The following TGM6 variants were observed in gnomAD, a reference collection of about 807,000 sequenced individuals.
TGM6 encodes transglutaminase 6.
A neutral mutation model predicts 77.5 loss-of-function variants in TGM6; 74 were observed. The observed-to-expected ratio is 0.96, with a 90% confidence interval of 0.79 to 1.16. TGM6 has a LOEUF of 1.16. TGM6 is among the 50% of genes most tolerant of loss of function. TGM6 has a pLI of 0.00. For synonymous variants in TGM6, 383 were observed against 378.9 expected (o/e 1.01, Z -0.12); for missense variants, 968 against 940.2 (o/e 1.03, Z -0.39).
At chr20:2,422,547 T>A (rs553208447) in intron 10 of TGM6, among the ~76,000 whole-genome samples, 4 of 152,338 alleles carry the variant, frequency 2.6e-5, no homozygotes, top group Admixed American at 6.5e-5. Context: ...TATATTTACA[T>A]TATACTGTAG....
chr20:2,412,352 T>C (rs1200112163), intron 9 of TGM6, among the ~76,000 whole-genome samples: 1 of 152,176 alleles, frequency 6.6e-6, no homozygotes. Flanking sequence ...GAATGGGCAT[T>C]ATTGTTTAAT....
intron 1 of TGM6, among the ~76,000 whole-genome samples, chr20:2,389,150 A>G (rs1401928859): frequency 1.3e-5 from 2 of 152,136 alleles, no homozygotes; most frequent in Admixed American, 6.5e-5. Flanking sequence ...ATCTTCCACC[A>G]TGGTCTCTCA....
intron 9 of TGM6, among the ~76,000 whole-genome samples, chr20:2,415,993 C>T (rs1372711156): frequency 3.3e-5 from 5 of 152,136 alleles, no homozygotes; most frequent in African/African-American, 9.7e-5. Flanking sequence ...AGAGTGCGTT[C>T]CCTCTAGGGG....
intron 9 of TGM6, among the ~76,000 whole-genome samples, chr20:2,405,485 G>A (rs1216969704): frequency 6.6e-6 from 1 of 152,196 alleles, no homozygotes; most frequent in Non-Finnish European, 1.5e-5. Flanking sequence ...AGCACTGTTA[G>A]GCTAAGAGGG....
intron 1 of TGM6, among the ~76,000 whole-genome samples, chr20:2,383,973 G>T (rs1172312691): frequency 6.6e-6 from 1 of 152,012 alleles, no homozygotes; most frequent in Non-Finnish European, 1.5e-5. Flanking sequence ...CGGGCATGGT[G>T]GTGGACACCT....
chr20:2,401,556 A>G (rs1409687991), intron 7 of TGM6, among the ~76,000 whole-genome samples: 2 of 152,226 alleles, frequency 1.3e-5, no homozygotes, highest in Non-Finnish European at 1.5e-5. Context: ...TTTAAGTAAT[A>G]ACGTAACACC....
At chr20:2,419,959 C>A (rs1477085518) in intron 10 of TGM6, among the ~76,000 whole-genome samples, 1 of 152,088 alleles carries the variant, frequency 6.6e-6, no homozygotes, top group East Asian at 1.9e-4. Context: ...AAGTGAAATT[C>A]TTGGGCCAGG....
chr20:2,395,823 T>C (rs2084661570), intron 3 of TGM6, among the ~76,000 whole-genome samples: 1 of 152,244 alleles, frequency 6.6e-6, no homozygotes, highest in African/African-American at 2.4e-5. Flanking sequence ...CTAATACTTG[T>C]AATGTATGAG....
chr20:2,404,126 A>G (rs919758041), intron 9 of TGM6, among the ~76,000 whole-genome samples: 2 of 152,232 alleles, frequency 1.3e-5, no homozygotes, highest in African/African-American at 4.8e-5. Flanking sequence ...ACATACAATA[A>G]TCACTACTAG....
intron 6 of TGM6, 133 bp from the exon 7 acceptor site, chr20:2,400,173 G>A: frequency 7.7e-7 from 1 of 1,299,166 alleles, no homozygotes; most frequent in African/African-American, 1.5e-5. Flanking sequence ...ACAACCTGAT[G>A]AACTAGACAC....
intron 10 of TGM6, among the ~76,000 whole-genome samples, chr20:2,430,045 C>G (rs1208899819): frequency 6.6e-6 from 1 of 152,212 alleles, no homozygotes; most frequent in South Asian, 2.1e-4. Flanking sequence ...TCTTCCTCTT[C>G]TCTGCTCCTA....
intron 10 of TGM6, among the ~76,000 whole-genome samples, chr20:2,420,256 CA>C (rs906214492): frequency 1.1e-4 from 16 of 144,676 alleles, no homozygotes; most frequent in African/African-American, 2.0e-4. Flanking sequence ...AAAAAACAAA[CA>C]AAAAAAAAAG....
At chr20:2,406,806 C>T (rs2084754285) in intron 9 of TGM6, among the ~76,000 whole-genome samples, 1 of 125,916 alleles carries the variant, frequency 7.9e-6, no homozygotes, top group Admixed American at 1.0e-4. Flanking sequence ...TGCACTCCAC[C>T]CTCAGCAACA....
rs778508762 is a variant in TGM6 at position 2,430,479 on chromosome 20, A to G, written c.1712A>G (p.Lys571Arg). ...KRIPITISYS[K>R]YKEDLTEDKK... The stretch of plus-strand genomic sequence containing the variant: ...ATCCCAATTACAATATCTTACTCTA[A>G]GTATAAAGAAGACCTGACAGAGGAC... The change falls in exon 11 of 13, where the codon AAG (lysine) becomes AGG (arginine). Residue 571 changes from lysine (K) to arginine (R), a missense_variant. Physicochemically the swap from Lys to Arg is conservative, Grantham distance 26 (BLOSUM62 2). Transcript: ENST00000202625. 2.2e-5 allele frequency: 35 copies of G among 1,614,180 alleles called. No homozygotes were observed. The East Asian group carries it at 7.1e-4, about 33-fold the overall frequency.
intron 10 of TGM6, among the ~76,000 whole-genome samples, chr20:2,429,922 G>A (rs545556882): frequency 1.3e-5 from 2 of 152,340 alleles, no homozygotes; most frequent in East Asian, 3.9e-4. Flanking sequence ...TGTCAGTGAA[G>A]ACTTCCCTCA....
intron 1 of TGM6, among the ~76,000 whole-genome samples, chr20:2,385,911 C>T (rs2084592039): frequency 6.6e-6 from 1 of 152,220 alleles, no homozygotes; most frequent in Non-Finnish European, 1.5e-5. Context: ...CTTCATGGAG[C>T]TCTCAGTCCA....
Position 2,432,493 on chromosome 20 carries a change from GC to G in TGM6, c.1973del (p.Pro658LeufsTer30), listed in dbSNP as rs755776527. On this transcript the variant is annotated frameshift_variant, in exon 13 of 13. Transcript: ENST00000202625. LOFTEE classifies it high-confidence loss of function. ...TTCTCCCCTCCCCTTCCTCCAGCGT[GC>G]CTACCCTGGAGCCTCAGGAGAGGGC... ...LLQEQLSIDV[P>X]TLEPQERASV... 83 of 1,614,028 alleles carry G rather than the reference GC, an allele frequency of 5.1e-5. No individual in the cohort carries two copies. The South Asian group carries it at 8.8e-4, about 17-fold the overall frequency.
intron 10 of TGM6, among the ~76,000 whole-genome samples, 184 bp from the exon 11 acceptor site, chr20:2,430,262 A>C (rs74955193): frequency 6.6e-6 from 1 of 152,206 alleles, no homozygotes; most frequent in East Asian, 1.9e-4. Flanking sequence ...GAGTTTGAAC[A>C]GGAAAATACC....
chr20:2,404,736 G>A (rs1420509454), intron 9 of TGM6, among the ~76,000 whole-genome samples: 1 of 151,992 alleles, frequency 6.6e-6, no homozygotes, highest in Non-Finnish European at 1.5e-5. Flanking sequence ...CGCCTCCTGG[G>A]TTCAAGCAAT....
Sources: allele counts gnomAD v4.1 joint callset (sites outside exome capture counted in the v4.1 genomes callset), GRCh38; gene constraint gnomAD v4.1.1; transcripts MANE v1.5; gene names NCBI Gene and HGNC (gene_info 2026-07-23, HGNC 2026-07-21).